GALNTL6: variants seen among roughly 807,000 people sequenced by gnomAD.
GALNTL6 encodes the protein polypeptide N-acetylgalactosaminyltransferase like 6, also known as polypeptide N-acetylgalactosaminyltransferase-like 6.
A neutral mutation model predicts 73.7 loss-of-function variants in GALNTL6; 46 were observed. The ratio of observed to expected loss-of-function variants is 0.62; its 90% confidence interval spans 0.49 to 0.80. GALNTL6 has a LOEUF of 0.80. Among genes scored for constraint, GALNTL6 ranks in the 30% least tolerant of loss-of-function variants. The pLI, the probability that GALNTL6 is intolerant of heterozygous loss-of-function variation, is 0.00. For synonymous variants in GALNTL6, 259 were observed against 263.7 expected (o/e 0.98, Z 0.17); for missense variants, 604 against 755.0 (o/e 0.80, Z 2.34).
chr4:172,027,683 G>A (rs73870132), intron 2 of GALNTL6, among the ~76,000 whole-genome samples: 1,544 of 152,226 alleles, frequency 0.01, 25 homozygotes, highest in African/African-American at 0.035. Context: ...AGGAAGGCAT[G>A]TTGCAAGCCA....
chr4:172,132,996 A>G lies in GALNTL6; in HGVS notation c.139-96660A>G, dbSNP rs116747634. Among the ~76,000 whole-genome samples the G allele has an allele frequency of 6.6e-3, 1,006 of 152,296 alleles. 17 individuals are homozygous for G. The highest frequency in any genetic ancestry group is 0.023 in the African/African-American group (954 of 41,562). The stretch of plus-strand genomic sequence containing the variant: ...TTAATTCATCTAATTTTGTGTGTGC[A>G]TGATAGAAACTACTTACAGGATTTT... On this transcript the variant is annotated intron_variant, in intron 2 of 12. Transcript: ENST00000506823.
chr4:171,827,372 C>T (rs1265430194), intron 2 of GALNTL6, among the ~76,000 whole-genome samples: 2 of 152,064 alleles, frequency 1.3e-5, no homozygotes, highest in Non-Finnish European at 1.5e-5. Context: ...TGACTCAGGG[C>T]GCATAGCCAT....
At position 172,572,527 on chromosome 4, in the gene GALNTL6, C is replaced by A. The variant is rs17058659; in HGVS notation, c.553+223838C>A. Among the ~76,000 whole-genome samples the A allele has an allele frequency of 1.0e-2, 1,518 of 152,224 alleles. 11 individuals are homozygous for A. The highest frequency in any genetic ancestry group is 0.011 in the Non-Finnish European group (763 of 68,008). On this transcript the variant is annotated intron_variant, in intron 5 of 12. Transcript: ENST00000506823. ...TCTGCTATACACTCTCCCACTTACC[C>A]CTGAAAATTGTCATCAGTTTTTTAC...
At chr4:172,776,896 A>G (rs1295149202) in intron 5 of GALNTL6, among the ~76,000 whole-genome samples, 4 of 144,404 alleles carry the variant, frequency 2.8e-5, no homozygotes, top group Middle Eastern at 3.4e-3. Context: ...CTCTAATTAT[A>G]TATTATATAT....
At chr4:172,249,107 A>G (rs1050860401) in intron 3 of GALNTL6, among the ~76,000 whole-genome samples, 1 of 152,192 alleles carries the variant, frequency 6.6e-6, no homozygotes, top group Non-Finnish European at 1.5e-5. Context: ...AATGTGGGAA[A>G]GTTTGGAACT....
intron 2 of GALNTL6, among the ~76,000 whole-genome samples, chr4:171,967,447 G>GTTTTTTTTTGTTTGTTTTTTTTTTTT (rs1560863069): frequency 1.4e-4 from 2 of 14,330 alleles, no homozygotes; most frequent in Non-Finnish European, 4.4e-4. Context: ...CCCCCTATGG[G>GTTTTTTTTTGTTTGTTTTTTTTTTTT]TTTTTTTTTT....
intron 2 of GALNTL6, among the ~76,000 whole-genome samples, chr4:172,167,833 C>T (rs13148997): frequency 0.4 from 56,391 of 141,772 alleles, 11,848 homozygotes; most frequent in African/African-American, 0.52. Flanking sequence ...GTGGCGGGCG[C>T]CTGTAGTCCC....
At chr4:172,861,647 A>G (rs550960195) in intron 7 of GALNTL6, among the ~76,000 whole-genome samples, 1 of 152,116 alleles carries the variant, frequency 6.6e-6, no homozygotes, top group Non-Finnish European at 1.5e-5. Context: ...CATAATTCCC[A>G]CATGTCATGG....
At chr4:172,591,872 G>A (rs1737650733) in intron 5 of GALNTL6, among the ~76,000 whole-genome samples, 1 of 152,104 alleles carries the variant, frequency 6.6e-6, no homozygotes, top group Non-Finnish European at 1.5e-5. Context: ...CAAAATGGCT[G>A]GAAAATGTAG....
intron 5 of GALNTL6, among the ~76,000 whole-genome samples, chr4:172,784,772 A>G (rs1039836413): frequency 6.6e-6 from 1 of 152,188 alleles, no homozygotes; most frequent in Non-Finnish European, 1.5e-5. Flanking sequence ...CACAATTTAG[A>G]TGAAGTGCTT....
At chr4:171,900,525 A>C (rs961125060) in intron 2 of GALNTL6, among the ~76,000 whole-genome samples, 2 of 150,970 alleles carry the variant, frequency 1.3e-5, no homozygotes, top group Non-Finnish European at 2.9e-5. Context: ...TCACCATGTT[A>C]ACCAGGATGG....
At chr4:172,855,794 T>C (rs1744094360) in intron 7 of GALNTL6, among the ~76,000 whole-genome samples, 1 of 152,220 alleles carries the variant, frequency 6.6e-6, no homozygotes, top group Admixed American at 6.5e-5. Flanking sequence ...CGGGCTCCTG[T>C]TGCACCCTGG....
intron 4 of GALNTL6, among the ~76,000 whole-genome samples, chr4:172,324,685 A>G (rs779307071): frequency 1.3e-5 from 2 of 151,208 alleles, no homozygotes; most frequent in African/African-American, 2.4e-5. Context: ...ATGCCAGTAC[A>G]TAAACAACTC....
intron 12 of GALNTL6, among the ~76,000 whole-genome samples, chr4:173,023,164 G>A (rs1260298589): frequency 1.3e-5 from 2 of 152,224 alleles, no homozygotes; most frequent in Non-Finnish European, 2.9e-5. Flanking sequence ...GAGAGAAGTG[G>A]TGGAGAGTCA....
intron 2 of GALNTL6, among the ~76,000 whole-genome samples, chr4:172,121,093 T>C (rs1579158668): frequency 1.3e-5 from 2 of 151,842 alleles, no homozygotes; most frequent in Non-Finnish European, 2.9e-5. Flanking sequence ...TAGTAAACTA[T>C]GTGCATATTC....
chr4:172,283,753 T>C (rs935245800), intron 3 of GALNTL6, among the ~76,000 whole-genome samples: 2 of 152,144 alleles, frequency 1.3e-5, no homozygotes, highest in Admixed American at 1.3e-4. Flanking sequence ...AGGCAAAATA[T>C]TGAATGTAAA....
rs1178967161 is a variant in GALNTL6 at position 172,102,873 on chromosome 4, G to C, written c.139-126783G>C. Among the ~76,000 whole-genome samples the C allele has an allele frequency of 2.0e-5, 3 of 152,144 alleles. 1 individual carries two copies. Among genetic ancestry groups the C allele is most frequent in the African/African-American group, 7.2e-5 (3 of 41,428 alleles). On this transcript the variant is annotated intron_variant, in intron 2 of 12. Transcript: ENST00000506823. Reference sequence around the variant, plus strand: ...AACACAAGGCTCCTGCAGTTTAATGGACTTGGGGCCTAAGAAGAGGGAGAG... The same window carrying C: ...AACACAAGGCTCCTGCAGTTTAATGCACTTGGGGCCTAAGAAGAGGGAGAG...
intron 9 of GALNTL6, among the ~76,000 whole-genome samples, chr4:172,934,145 A>G (rs979567609): frequency 6.6e-6 from 1 of 152,248 alleles, no homozygotes; most frequent in African/African-American, 2.4e-5. Context: ...GCTTAAATGT[A>G]TCGTAAGGAC....
intron 10 of GALNTL6, among the ~76,000 whole-genome samples, chr4:172,996,521 T>G (rs1038427429): frequency 5.3e-5 from 8 of 152,192 alleles, no homozygotes; most frequent in Admixed American, 1.3e-4. Context: ...AACCTGCACA[T>G]GGACCCCTGA....
Sources: allele counts gnomAD v4.1 joint callset (sites outside exome capture counted in the v4.1 genomes callset), GRCh38; gene constraint gnomAD v4.1.1; transcripts MANE v1.5; gene names NCBI Gene and HGNC (gene_info 2026-07-23, HGNC 2026-07-21).